Variants in GRM8 observed in about 807,000 individuals in gnomAD.
GRM8 encodes metabotropic glutamate receptor 8.
In GRM8, 47 loss-of-function variants were observed where a neutral mutation model predicts 87.2. The ratio of observed to expected loss-of-function variants is 0.54; its 90% CI spans 0.43 to 0.69. The LOEUF (loss-of-function observed/expected upper bound fraction) is 0.69, where lower values mean the gene tolerates loss of function less well. GRM8 is among the 30% of genes least tolerant of loss of function. GRM8 has a pLI of 0.00. For missense variants in GRM8, 1,019 were observed against 1,139.2 expected (o/e 0.89, Z 1.52); for synonymous variants, 396 against 404.5 (o/e 0.98, Z 0.25).
chr7:126,768,561 A>G (rs1818461485), intron 7 of GRM8, among the ~76,000 whole-genome samples: 1 of 151,946 alleles, frequency 6.6e-6, no homozygotes, highest in Non-Finnish European at 1.5e-5. Flanking sequence ...TGAAAGACAA[A>G]TTAGTAATTT....
chr7:126,477,047 T>C (rs753395132), intron 9 of GRM8, among the ~76,000 whole-genome samples: 106 of 152,158 alleles, frequency 7.0e-4, no homozygotes, highest in Non-Finnish European at 1.4e-3. Flanking sequence ...TTTAATAGAT[T>C]ATTATTCAGC....
chr7:126,918,246 A>C lies in GRM8; in HGVS notation c.728-13563T>G, dbSNP rs1804140249. Among the ~76,000 whole-genome samples, 3 of 152,210 alleles carry C rather than the reference A, an allele frequency of 2.0e-5. 1 individual carries two copies. Among genetic ancestry groups the C allele is most frequent in the African/African-American group, 7.2e-5 (3 of 41,460 alleles). On this transcript the variant is annotated intron_variant, in intron 3 of 10. Transcript: ENST00000339582. ...TGATACATTGATATGCATCAGAATC[A>C]ACAAGTCAGAAAACATTTCATAAGT...
chr7:126,472,982 G>C (rs1439046083), intron 9 of GRM8, among the ~76,000 whole-genome samples: 1 of 152,236 alleles, frequency 6.6e-6, no homozygotes, highest in Non-Finnish European at 1.5e-5. Context: ...CTAGATTTCA[G>C]AGGATGTTTG....
At chr7:127,044,382 GAGTAACCA>G (rs1300330874) in intron 3 of GRM8, among the ~76,000 whole-genome samples, 1 of 152,146 alleles carries the variant, frequency 6.6e-6, no homozygotes, top group Non-Finnish European at 1.5e-5. Flanking sequence ...CCTTGCCCTA[GAGTAACCA>G]AGATTAGAAA....
chr7:126,696,793 C>T (rs867546838), intron 7 of GRM8, among the ~76,000 whole-genome samples: 1 of 152,084 alleles, frequency 6.6e-6, no homozygotes, highest in Admixed American at 6.6e-5. Flanking sequence ...AGACAGTTTA[C>T]TGAATACAGG....
At chr7:127,118,061 A>C (rs1221300715) in intron 2 of GRM8, among the ~76,000 whole-genome samples, 1 of 152,218 alleles carries the variant, frequency 6.6e-6, no homozygotes, top group East Asian at 1.9e-4. Flanking sequence ...TTAGTCTTCA[A>C]GTCATTATTT....
intron 9 of GRM8, among the ~76,000 whole-genome samples, chr7:126,453,222 C>T (rs977321045): frequency 2.6e-5 from 4 of 151,670 alleles, no homozygotes; most frequent in Admixed American, 1.3e-4. Context: ...GAAAAATCAC[C>T]GTCCTGAGTG....
chr7:126,769,662 C>T (rs183909675), intron 7 of GRM8, among the ~76,000 whole-genome samples: 2 of 152,068 alleles, frequency 1.3e-5, no homozygotes, highest in East Asian at 3.9e-4. Context: ...TAAACTTTTG[C>T]CTCCTTCACG....
chr7:126,444,913 A>G (rs958606409), intron 10 of GRM8, among the ~76,000 whole-genome samples: 1 of 151,988 alleles, frequency 6.6e-6, no homozygotes, highest in African/African-American at 2.4e-5. Context: ...TTGGAGGCTT[A>G]GGTGGGAGGA....
chr7:127,101,316 T>C (rs553509330), intron 3 of GRM8, among the ~76,000 whole-genome samples: 4 of 152,240 alleles, frequency 2.6e-5, no homozygotes, highest in African/African-American at 9.6e-5. Flanking sequence ...AAATATACAT[T>C]CTGATAGATC....
intron 3 of GRM8, among the ~76,000 whole-genome samples, chr7:127,037,714 C>G (rs751153350): frequency 6.6e-6 from 1 of 152,070 alleles, no homozygotes; most frequent in South Asian, 2.1e-4. Context: ...AAAGGAGAAG[C>G]CTGCAGAACC....
intron 9 of GRM8, among the ~76,000 whole-genome samples, chr7:126,455,116 C>T (rs1803075390): frequency 6.6e-6 from 1 of 151,664 alleles, no homozygotes; most frequent in African/African-American, 2.4e-5. Context: ...GGATCAAGTA[C>T]AGCATTATGC....
chr7:127,220,668 T>C lies in GRM8; in HGVS notation c.510+22027A>G, dbSNP rs372057823. ...TCCAGCTAATTTTAAAAAAAAAAAA[T>C]TGTAGAAACAATGTCTCAGTATGTT... On this transcript the variant is annotated intron_variant, in intron 2 of 10. Transcript: ENST00000339582. Among the ~76,000 whole-genome samples, 148 of 151,852 alleles carry C rather than the reference T, an allele frequency of 9.7e-4. 1 individual carries two copies. Among genetic ancestry groups the C allele is most frequent in the African/African-American group, 3.5e-3 (146 of 41,410 alleles).
At chr7:126,973,483 T>C (rs1016052524) in intron 3 of GRM8, among the ~76,000 whole-genome samples, 8 of 152,166 alleles carry the variant, frequency 5.3e-5, no homozygotes, top group Non-Finnish European at 1.5e-5. Flanking sequence ...AGATTAAAAG[T>C]ATAGAAAGTG....
intron 7 of GRM8, among the ~76,000 whole-genome samples, chr7:126,636,521 A>C (rs1462724175): frequency 6.6e-6 from 1 of 152,152 alleles, no homozygotes; most frequent in East Asian, 1.9e-4. Context: ...TGTTCAATAC[A>C]AATGCAATTT....
intron 2 of GRM8, among the ~76,000 whole-genome samples, chr7:127,187,854 C>T (rs924736979): frequency 1.3e-5 from 2 of 152,148 alleles, no homozygotes; most frequent in African/African-American, 4.8e-5. Flanking sequence ...GTACTCAGAC[C>T]TGTTTTCTCA....
intron 9 of GRM8, among the ~76,000 whole-genome samples, chr7:126,477,341 T>A (rs536543612): frequency 1.3e-5 from 2 of 152,120 alleles, no homozygotes; most frequent in Admixed American, 1.3e-4. Flanking sequence ...CTGTTTTGTA[T>A]ACTAAAAATT....
At chr7:126,717,060 A>G (rs941453420) in intron 7 of GRM8, among the ~76,000 whole-genome samples, 2 of 152,192 alleles carry the variant, frequency 1.3e-5, no homozygotes, top group African/African-American at 4.8e-5. Flanking sequence ...TTTGCCTGAG[A>G]GATGCAGCAG....
chr7:126,971,958 C>A (rs1473272430), intron 3 of GRM8, among the ~76,000 whole-genome samples: 1 of 152,130 alleles, frequency 6.6e-6, no homozygotes, highest in Non-Finnish European at 1.5e-5. Flanking sequence ...AATCCCTTTG[C>A]CGTATTTATA....
Sources: gnomAD v4.1 joint callset for allele counts (sites outside exome capture counted in the v4.1 genomes callset) on GRCh38, gnomAD v4.1.1 for gene constraint, MANE v1.5 for transcripts, NCBI Gene and HGNC (gene_info 2026-07-23, HGNC 2026-07-21) for gene names.